Variants in ZNF469 observed in about 807,000 individuals in gnomAD.
The protein encoded by ZNF469 is zinc finger protein 469.
ZNF469 carries 1 observed loss-of-function variant against 1.0 expected under a neutral mutation model. That is an observed-to-expected ratio of 1.00 (90% CI 0.35 to 4.73). The LOEUF is 4.73. Ranked by LOEUF, ZNF469 falls within the 30% of genes most tolerant of loss-of-function variation. ZNF469 has a pLI of 0.16. For synonymous variants in ZNF469, 2,703 were observed against 2,363.4 expected, an observed-to-expected ratio of 1.14 and a Z score of -4.17; for missense variants, 6,100 against 5,356.3, an observed-to-expected ratio of 1.14 and a Z score of -4.33.
At chr16:88,293,028 C>G in the ZNF469 span, among the ~76,000 whole-genome samples, 1 of 152,154 alleles carries the variant, frequency 6.6e-6, no homozygotes, top group African/African-American at 2.4e-5. Context: ...CTACCAGCAG[C>G]CAGAAACATA....
intron 1 of ZNF469, among the ~76,000 whole-genome samples, chr16:88,419,606 C>T (rs74403322): frequency 0.023 from 3,488 of 152,232 alleles, 67 homozygotes; most frequent in East Asian, 0.082. Flanking sequence ...CCCCCGGCAG[C>T]CTCCCACTCC....
At chr16:88,157,675 G>C in the ZNF469 span, among the ~76,000 whole-genome samples, 1 of 152,176 alleles carries the variant, frequency 6.6e-6, no homozygotes, top group Admixed American at 6.5e-5. Context: ...GGTTGGATGT[G>C]GGGCTGGTGA....
chr16:88,135,010 G>A, the ZNF469 span, among the ~76,000 whole-genome samples: 13 of 152,228 alleles, frequency 8.5e-5, no homozygotes, highest in Non-Finnish European at 1.9e-4. Context: ...CCTGCAGGCA[G>A]CTCCTGGACA....
chr16:88,114,185 T>C, the ZNF469 span, among the ~76,000 whole-genome samples: 1 of 143,072 alleles, frequency 7.0e-6, no homozygotes. Context: ...CGGGGGAGAA[T>C]GACAGGGACC....
At chr16:88,377,612 C>T in the ZNF469 span, among the ~76,000 whole-genome samples, 1 of 152,082 alleles carries the variant, frequency 6.6e-6, no homozygotes, top group Non-Finnish European at 1.5e-5. Context: ...CAGGCCCTGA[C>T]ACTCCCTCCC....
At chr16:88,161,599 GA>G in the ZNF469 span, among the ~76,000 whole-genome samples, 4 of 152,172 alleles carry the variant, frequency 2.6e-5, no homozygotes, top group African/African-American at 4.8e-5. Context: ...CGAGGGTATC[GA>G]AACTTTTCGT....
the ZNF469 span, among the ~76,000 whole-genome samples, chr16:88,356,143 C>T: frequency 1.3e-5 from 2 of 152,198 alleles, no homozygotes; most frequent in African/African-American, 4.8e-5. Context: ...CAAAATCACA[C>T]CCGTACCCTC....
chr16:88,245,927 G>T, the ZNF469 span, among the ~76,000 whole-genome samples: 3 of 152,066 alleles, frequency 2.0e-5, no homozygotes, highest in East Asian at 1.9e-4. Flanking sequence ...TACATAGCCC[G>T]GGGACATCCT....
chr16:88,331,334 C>T, the ZNF469 span, among the ~76,000 whole-genome samples: 1 of 151,406 alleles, frequency 6.6e-6, no homozygotes, highest in East Asian at 2.0e-4. Context: ...TGACCATCAC[C>T]ACCATCATCC....
the ZNF469 span, among the ~76,000 whole-genome samples, chr16:88,256,177 C>A: frequency 1.3e-5 from 2 of 152,158 alleles, no homozygotes; most frequent in Admixed American, 1.3e-4. Context: ...GTAGTTTCAC[C>A]GCCCTAAAAA....
chr16:88,197,036 G>A, the ZNF469 span, among the ~76,000 whole-genome samples: 34 of 152,302 alleles, frequency 2.2e-4, no homozygotes, highest in Admixed American at 1.6e-3. Context: ...GCTGGAATTC[G>A]TCCATCAGTG....
the ZNF469 span, among the ~76,000 whole-genome samples, chr16:88,301,089 C>T: frequency 6.6e-6 from 1 of 152,028 alleles, no homozygotes; most frequent in Non-Finnish European, 1.5e-5. Flanking sequence ...AAGAAAAGAA[C>T]TAAAGCCGTT....
Position 88,437,503 on chromosome 16 carries a change from C to T in ZNF469, c.10033C>T (p.Arg3345Cys). The T allele has an allele frequency of 1.9e-6, 3 of 1,540,760 alleles. No homozygotes were observed. The highest frequency in any genetic ancestry group is 2.6e-6 in the Non-Finnish European group (3 of 1,140,632). Residue 3345 changes from arginine (R) to cysteine (C), a missense_variant, in exon 3 of 3, where the codon CGC (arginine) becomes TGC (cysteine). Physicochemically the swap from Arg to Cys is radical, Grantham distance 180 (BLOSUM62 -3). Coordinates refer to ENST00000565624, the MANE Select transcript of ZNF469 (RefSeq NM_001367624.2). The stretch of plus-strand genomic sequence containing the variant: ...CCGCGACTGCCACCACTGCGGGAAG[C>T]GCTTCCCCAAGCCCTTCAAGCTGCA... ...PSRDCHHCGKRFPKPFKLQRH... is the reference protein window; with the variant it reads ...PSRDCHHCGKCFPKPFKLQRH...
the ZNF469 span, among the ~76,000 whole-genome samples, chr16:88,214,697 C>G: frequency 6.6e-6 from 1 of 152,072 alleles, no homozygotes; most frequent in African/African-American, 2.4e-5. Flanking sequence ...TGTTCCCCTC[C>G]CTGTGTCCAT....
the ZNF469 span, among the ~76,000 whole-genome samples, chr16:88,216,435 A>G: frequency 2.0e-5 from 3 of 151,146 alleles, no homozygotes; most frequent in Non-Finnish European, 4.4e-5. Flanking sequence ...CAGAGCTTGC[A>G]GTGAGCCGAG....
chr16:88,380,459 A>ATT (rs2092518734), upstream of ZNF469, among the ~76,000 whole-genome samples: 1 of 132,408 alleles, frequency 7.6e-6, no homozygotes, highest in African/African-American at 3.6e-5. Flanking sequence ...ACAGACATGC[A>ATT]CACACACATG....
the ZNF469 span, among the ~76,000 whole-genome samples, chr16:88,320,770 A>G: frequency 6.6e-6 from 1 of 152,184 alleles, no homozygotes; most frequent in Non-Finnish European, 1.5e-5. Context: ...ACTTATGTCC[A>G]TGTAGTCTCA....
the ZNF469 span, among the ~76,000 whole-genome samples, chr16:88,227,954 G>C: frequency 1.3e-5 from 2 of 152,178 alleles, no homozygotes; most frequent in Admixed American, 1.3e-4. Context: ...ATCCTTAGGG[G>C]AACTTGGCTC....
At chr16:88,385,727 AGTT>A (rs2092535524) in intron 1 of ZNF469, among the ~76,000 whole-genome samples, 1 of 151,658 alleles carries the variant, frequency 6.6e-6, no homozygotes, top group Admixed American at 6.6e-5. Context: ...CCTGTGTAGT[AGTT>A]AAGAGTCCAG....
Sources: gnomAD v4.1 joint callset for allele counts (sites outside exome capture counted in the v4.1 genomes callset) on GRCh38, gnomAD v4.1.1 for gene constraint, MANE v1.5 for transcripts, NCBI Gene and HGNC (gene_info 2026-07-23, HGNC 2026-07-21) for gene names.